RHEX: variants seen among roughly 807,000 people sequenced by gnomAD.
RHEX encodes the protein regulator of hemoglobinization and erythroid cell expansion protein.
In RHEX, 18 loss-of-function variants were observed where a neutral mutation model predicts 20.1. The observed-to-expected ratio is 0.90, with a 90% CI of 0.62 to 1.33. The LOEUF (loss-of-function observed/expected upper bound fraction) is 1.33. RHEX is among the 40% of genes most tolerant of loss of function. The pLI is 0.00. For missense variants in RHEX, 192 were observed against 214.3 expected (o/e 0.90, Z 0.65); for synonymous variants, 87 against 77.1 (o/e 1.13, Z -0.67).
At chr1:206,055,961 G>C (rs1366304618) in intron 1 of RHEX, among the ~76,000 whole-genome samples, 2 of 152,268 alleles carry the variant, frequency 1.3e-5, no homozygotes, top group East Asian at 3.8e-4. Context: ...CTAACTCTTA[G>C]ACAAAACCTA....
intron 1 of RHEX, among the ~76,000 whole-genome samples, chr1:206,088,496 A>G (rs941421161): frequency 1.3e-5 from 2 of 152,198 alleles, no homozygotes; most frequent in Admixed American, 1.3e-4. Context: ...CAGCCTGGCC[A>G]ACATGGTGAA....
At chr1:206,083,974 C>T (rs1662787787) in intron 1 of RHEX, among the ~76,000 whole-genome samples, 1 of 152,212 alleles carries the variant, frequency 6.6e-6, no homozygotes, top group Non-Finnish European at 1.5e-5. Context: ...TCAGTTTCCT[C>T]ATCTGTAAAA....
In RHEX at chr1:206,064,198, G is replaced by T. The variant is rs1262579182; in HGVS notation, c.-97+10933G>T. ...AAGTTAGGAGCCTCTCCGCCCGGCA[G>T]CCGCCCCGTCTGGGAAGTGAGGAGC... On this transcript the variant is annotated intron_variant, in intron 1 of 5. Coordinates refer to ENST00000331555, the MANE Select transcript of RHEX (RefSeq NM_001007544.4). Among the ~76,000 whole-genome samples, 25 of 149,262 alleles carry T rather than the reference G, an allele frequency of 1.7e-4. 1 individual carries two copies. The highest frequency in any genetic ancestry group is 5.0e-4 in the African/African-American group (20 of 39,728).
intron 1 of RHEX, among the ~76,000 whole-genome samples, chr1:206,094,169 GGTGTGTGT>G (rs66885504): frequency 0.077 from 11,500 of 148,654 alleles, 540 homozygotes; most frequent in South Asian, 0.19. Flanking sequence ...CTGGTTATTT[GGTGTGTGT>G]GTGTGTGTGT....
intron 1 of RHEX, among the ~76,000 whole-genome samples, chr1:206,095,209 A>T (rs1209085889): frequency 2.0e-5 from 3 of 152,172 alleles, no homozygotes; most frequent in Admixed American, 6.5e-5. Context: ...GCCTTTAGGG[A>T]TTAGTCAGGA....
intron 1 of RHEX, among the ~76,000 whole-genome samples, chr1:206,089,347 G>A (rs942563316): frequency 6.6e-6 from 1 of 151,926 alleles, no homozygotes; most frequent in Non-Finnish European, 1.5e-5. Flanking sequence ...CCAGCCTTAT[G>A]TTCACTTTTT....
chr1:206,090,373 T>C (rs1662924105), intron 1 of RHEX, among the ~76,000 whole-genome samples: 2 of 152,062 alleles, frequency 1.3e-5, no homozygotes, highest in South Asian at 2.1e-4. Flanking sequence ...ACCCAGCTAA[T>C]TTTTGTATTG....
chr1:206,072,080 C>A, intron 1 of RHEX, among the ~76,000 whole-genome samples: 1 of 152,152 alleles, frequency 6.6e-6, no homozygotes, highest in Non-Finnish European at 1.5e-5. Context: ...AGGAACGCAA[C>A]AAATAAGTCT....
chr1:206,082,627 G>A (rs1553286060), intron 1 of RHEX, among the ~76,000 whole-genome samples: 1 of 151,992 alleles, frequency 6.6e-6, no homozygotes, highest in Non-Finnish European at 1.5e-5. Context: ...ACAACCTTAT[G>A]AGATTTAAAA....
chr1:206,089,583 T>C (rs1662906949), intron 1 of RHEX, among the ~76,000 whole-genome samples: 1 of 152,194 alleles, frequency 6.6e-6, no homozygotes, highest in Admixed American at 6.5e-5. Flanking sequence ...TTTTGCATAA[T>C]AGCTTTGGTC....
At chr1:206,096,116 C>T (rs1262432152) in intron 1 of RHEX, among the ~76,000 whole-genome samples, 1 of 152,180 alleles carries the variant, frequency 6.6e-6, no homozygotes, top group Non-Finnish European at 1.5e-5. Flanking sequence ...AGGTATGAGC[C>T]ACTGTGTCCG....
At chr1:206,064,122 C>T (rs1662364160) in intron 1 of RHEX, among the ~76,000 whole-genome samples, 1 of 148,828 alleles carries the variant, frequency 6.7e-6, no homozygotes, top group African/African-American at 2.5e-5. Context: ...TGCCCGGCCG[C>T]CCCGTCTGAG....
intron 1 of RHEX, among the ~76,000 whole-genome samples, chr1:206,086,704 G>A (rs187249766): frequency 1.4e-3 from 210 of 152,260 alleles, no homozygotes; most frequent in African/African-American, 4.7e-3. Context: ...AACACAAGAC[G>A]TGTGAGTTAA....
rs1328011196 is a variant in RHEX, at chr1:206,102,077, G to C, written c.*125G>C. On this transcript the variant is annotated 3_prime_UTR_variant, in exon 6 of 6. Transcript: ENST00000331555. ...CAAGTCTATGGAGACAGGCCAAAAAGAATGTGGAGAAGAAAACTGATAAAT... is the reference window on the plus strand; with the variant it reads ...CAAGTCTATGGAGACAGGCCAAAAACAATGTGGAGAAGAAAACTGATAAAT... The C allele has an allele frequency of 1.3e-6, 1 of 776,628 alleles. No individual in the cohort carries two copies. The highest frequency in any genetic ancestry group is 2.2e-6 in the Non-Finnish European group (1 of 463,838). The allele number at this position is 776,628 out of a possible 1,614,324, so 48.1% of individuals were successfully genotyped here. A position where few individuals can be genotyped will look rare whatever the true frequency, so the allele number is the denominator to read the frequency against.
intron 1 of RHEX, among the ~76,000 whole-genome samples, chr1:206,075,493 A>ATTAAATTTTTAAAT: frequency 6.6e-6 from 1 of 152,364 alleles, no homozygotes; most frequent in South Asian, 2.1e-4. Flanking sequence ...AAGATACAGC[A>ATTAAATTTTTAAAT]TTAAATTTTT....
chr1:206,093,128 C>T (rs1260127393), intron 1 of RHEX, among the ~76,000 whole-genome samples: 1 of 152,170 alleles, frequency 6.6e-6, no homozygotes, highest in African/African-American at 2.4e-5. Flanking sequence ...TCTTTTTGTT[C>T]TCTTTCCATT....
intron 1 of RHEX, among the ~76,000 whole-genome samples, chr1:206,084,253 G>A (rs1662791522): frequency 2.0e-5 from 3 of 152,112 alleles, no homozygotes. Flanking sequence ...CAGAGAATGT[G>A]CACCATGAAA....
At chr1:206,079,165 G>T (rs138167905) in intron 1 of RHEX, among the ~76,000 whole-genome samples, 2,144 of 152,206 alleles carry the variant, frequency 0.014, 58 homozygotes, top group Admixed American at 0.071. Flanking sequence ...AGTGGCTGGT[G>T]CTGAAAAATA....
At chr1:206,074,323 C>T (rs1662590625) in intron 1 of RHEX, among the ~76,000 whole-genome samples, 1 of 152,294 alleles carries the variant, frequency 6.6e-6, no homozygotes, top group South Asian at 2.1e-4. Flanking sequence ...CTCTGTATCC[C>T]AGTGCTTAGC....
Sources: allele counts gnomAD v4.1 joint callset (sites outside exome capture counted in the v4.1 genomes callset), GRCh38; gene constraint gnomAD v4.1.1; transcripts MANE v1.5; gene names NCBI Gene and HGNC (gene_info 2026-07-23, HGNC 2026-07-21).